The following STXBP5L variants were observed in gnomAD, a reference collection of about 807,000 sequenced individuals.
The protein encoded by STXBP5L is syntaxin-binding protein 5-like.
A neutral mutation model predicts 144.5 loss-of-function variants in STXBP5L; 65 were observed. The ratio of observed to expected loss-of-function variants is 0.45; its 90% CI spans 0.37 to 0.55. The LOEUF is 0.55. Among genes scored for constraint, STXBP5L ranks in the 20% least tolerant of loss-of-function variants. STXBP5L has a pLI of 0.00. For missense variants in STXBP5L, 1,298 were observed against 1,405.5 expected, an observed-to-expected ratio of 0.92 and a Z score of 1.22; for synonymous variants, 505 against 469.6, an observed-to-expected ratio of 1.08 and a Z score of -0.97.
chr3:121,021,558 A>G (rs948619043), intron 3 of STXBP5L, among the ~76,000 whole-genome samples: 7 of 152,198 alleles, frequency 4.6e-5, no homozygotes, highest in African/African-American at 1.7e-4. Context: ...TCGAAATTAT[A>G]GCAAGTGCTC....
intron 3 of STXBP5L, among the ~76,000 whole-genome samples, chr3:121,001,716 C>G (rs576711451): frequency 1.3e-5 from 2 of 152,148 alleles, no homozygotes; most frequent in African/African-American, 2.4e-5. Flanking sequence ...GCTCTGCAAC[C>G]CTGTATAGGG....
chr3:121,132,500 A>G (rs541189127), intron 7 of STXBP5L, among the ~76,000 whole-genome samples: 1 of 152,322 alleles, frequency 6.6e-6, no homozygotes, highest in South Asian at 2.1e-4. Context: ...AGTCCTCAGA[A>G]TCTCTGTCTA....
chr3:120,955,223 G>C (rs542616475), intron 3 of STXBP5L, among the ~76,000 whole-genome samples, 186 bp downstream of exon 3: 1 of 151,966 alleles, frequency 6.6e-6, no homozygotes, highest in East Asian at 1.9e-4. Context: ...GATCAGTATT[G>C]ATGTCTCTTC....
At chr3:121,273,208 G>GAACTTCATCATCACT (rs1157300316) in intron 18 of STXBP5L, among the ~76,000 whole-genome samples, 5 of 151,964 alleles carry the variant, frequency 3.3e-5, no homozygotes, top group African/African-American at 1.2e-4. Flanking sequence ...TAGTGGTGAT[G>GAACTTCATCATCACT]AACTTCATCA....
At chr3:121,416,471 TTTTATTTATTTATTTATTTA>T (rs140767929) in intron 25 of STXBP5L, among the ~76,000 whole-genome samples, 5 of 137,834 alleles carry the variant, frequency 3.6e-5, no homozygotes, top group East Asian at 2.2e-4. Context: ...ACTGGTAGAT[TTTTATTTATTTATTTATTTA>T]TTTATTTATT....
chr3:121,351,633 A>T (rs149420133), intron 20 of STXBP5L, among the ~76,000 whole-genome samples: 5 of 152,056 alleles, frequency 3.3e-5, no homozygotes, highest in Non-Finnish European at 5.9e-5. Context: ...TCTCCCATTT[A>T]TATGGTGCCT....
intron 9 of STXBP5L, among the ~76,000 whole-genome samples, chr3:121,173,467 G>A (rs1283214171): frequency 1.3e-5 from 2 of 151,848 alleles, no homozygotes; most frequent in Non-Finnish European, 2.9e-5. Flanking sequence ...AACAACTATA[G>A]TTTACTTTCG....
rs536082835 is a variant in STXBP5L at position 121,070,074 on chromosome 3, A to G, written c.470+24539A>G. ...TTAACCTGTTGTGGGAAAATCAAATATTGGAGAGACTGAAAAAGGTTCAGG... is the reference window on the plus strand; with the variant it reads ...TTAACCTGTTGTGGGAAAATCAAATGTTGGAGAGACTGAAAAAGGTTCAGG... On this transcript the variant is annotated intron_variant, in intron 5 of 26. Transcript: ENST00000471454. Among the ~76,000 whole-genome samples the G allele has an allele frequency of 2.0e-5, 3 of 152,330 alleles. No individual in the cohort carries two copies. In the South Asian group the frequency reaches 6.2e-4, roughly 32 times the overall value.
chr3:120,911,805 A>G (rs470887), intron 2 of STXBP5L, among the ~76,000 whole-genome samples: 121,512 of 151,962 alleles, frequency 0.8, 49,061 homozygotes, highest in Admixed American at 0.85. Context: ...ATTTTAAAAA[A>G]TAGTTATATG....
At chr3:121,380,408 T>C (rs1272988561) in intron 21 of STXBP5L, among the ~76,000 whole-genome samples, 49 of 152,166 alleles carry the variant, frequency 3.2e-4, no homozygotes, top group Admixed American at 3.1e-3. Flanking sequence ...ATGAGTTACA[T>C]GTGTACCTAT....
chr3:121,098,059 C>T (rs1443845813), intron 5 of STXBP5L, among the ~76,000 whole-genome samples: 3 of 151,998 alleles, frequency 2.0e-5, no homozygotes, highest in African/African-American at 7.2e-5. Context: ...TTCTATGTAT[C>T]CCTATTAGTA....
At chr3:121,400,917 T>A (rs2046856955) in intron 22 of STXBP5L, among the ~76,000 whole-genome samples, 1 of 152,170 alleles carries the variant, frequency 6.6e-6, no homozygotes, top group Non-Finnish European at 1.5e-5. Flanking sequence ...TAACTTTCCT[T>A]TACATAGAAC....
intron 9 of STXBP5L, among the ~76,000 whole-genome samples, chr3:121,195,001 C>G (rs74618410): frequency 0.12 from 17,956 of 149,624 alleles, 1,136 homozygotes; most frequent in Non-Finnish European, 0.14. Flanking sequence ...CTGCAACCTC[C>G]GCCTCCTACG....
intron 3 of STXBP5L, among the ~76,000 whole-genome samples, chr3:121,029,458 T>C (rs1251360434): frequency 1.3e-5 from 2 of 152,112 alleles, no homozygotes; most frequent in Non-Finnish European, 2.9e-5. Context: ...TAAATGGTGT[T>C]GGGAAAACTG....
chr3:121,349,924 T>A (rs1422392497), intron 20 of STXBP5L, among the ~76,000 whole-genome samples: 1 of 152,178 alleles, frequency 6.6e-6, no homozygotes, highest in Non-Finnish European at 1.5e-5. Flanking sequence ...TTTGCCAGTC[T>A]GTGTCTTTTA....
At chr3:121,223,418 G>A (rs991957279) in intron 11 of STXBP5L, among the ~76,000 whole-genome samples, 2 of 152,110 alleles carry the variant, frequency 1.3e-5, no homozygotes, top group Non-Finnish European at 2.9e-5. Context: ...GAGCTGGGAG[G>A]GTCTGATAAG....
chr3:121,124,787 AG>A (rs956669580), intron 7 of STXBP5L, among the ~76,000 whole-genome samples: 4 of 152,024 alleles, frequency 2.6e-5, no homozygotes, highest in African/African-American at 9.7e-5. Context: ...CTAGGACCCC[AG>A]TGCAGTGTTG....
At chr3:121,248,719 A>G (rs2049937898) in intron 14 of STXBP5L, among the ~76,000 whole-genome samples, 1 of 152,138 alleles carries the variant, frequency 6.6e-6, no homozygotes. Context: ...ATTCTTTGCC[A>G]AGGCTGATAT....
chr3:121,391,857 G>A (rs1441229231), intron 22 of STXBP5L, among the ~76,000 whole-genome samples: 1 of 152,188 alleles, frequency 6.6e-6, no homozygotes, highest in Non-Finnish European at 1.5e-5. Flanking sequence ...TCTACATGGG[G>A]TTCAGGGACC....
Sources: gnomAD v4.1 joint callset for allele counts (sites outside exome capture counted in the v4.1 genomes callset) on GRCh38, gnomAD v4.1.1 for gene constraint, MANE v1.5 for transcripts, NCBI Gene and HGNC (gene_info 2026-07-23, HGNC 2026-07-21) for gene names.